GALNTL6: variants seen among roughly 807,000 people sequenced by gnomAD.
GALNTL6 encodes the protein polypeptide N-acetylgalactosaminyltransferase like 6.
A neutral mutation model predicts 73.7 loss-of-function variants in GALNTL6; 46 were observed. The ratio of observed to expected loss-of-function variants is 0.62; its 90% CI spans 0.49 to 0.80. The LOEUF (loss-of-function observed/expected upper bound fraction) is 0.80, where lower values mean the gene tolerates loss of function less well. Among genes scored for constraint, GALNTL6 ranks in the 30% least tolerant of loss-of-function variants. The pLI, the probability that GALNTL6 is intolerant of heterozygous loss-of-function variation, is 0.00. For missense variants in GALNTL6, 604 were observed against 755.0 expected (o/e 0.80, Z 2.34); for synonymous variants, 259 against 263.7 (o/e 0.98, Z 0.17).
intron 2 of GALNTL6, among the ~76,000 whole-genome samples, chr4:171,867,644 G>A (rs1736006148): frequency 6.6e-6 from 1 of 152,178 alleles, no homozygotes; most frequent in Admixed American, 6.5e-5. Flanking sequence ...AGCCAGTGAT[G>A]TTTTGAAAAA....
intron 2 of GALNTL6, among the ~76,000 whole-genome samples, chr4:171,982,627 G>C (rs191361414): frequency 6.6e-6 from 1 of 152,046 alleles, no homozygotes; most frequent in Non-Finnish European, 1.5e-5. Context: ...TCTTCCAGAC[G>C]AGCTTGTTGG....
chr4:172,882,987 C>T, intron 8 of GALNTL6, 80 bp downstream of exon 8: 1 of 765,780 alleles, frequency 1.3e-6, no homozygotes. Flanking sequence ...TGCTCTGTGA[C>T]CTGTGTTCTG....
chr4:172,822,019 C>A (rs1741959827), intron 7 of GALNTL6, among the ~76,000 whole-genome samples: 1 of 152,184 alleles, frequency 6.6e-6, no homozygotes, highest in Admixed American at 6.5e-5. Context: ...GCAACAATCT[C>A]TTTTCCTTTG....
intron 5 of GALNTL6, among the ~76,000 whole-genome samples, chr4:172,449,108 T>C (rs1453407355): frequency 6.6e-6 from 1 of 152,164 alleles, no homozygotes; most frequent in East Asian, 1.9e-4. Context: ...TCCAAACATT[T>C]GGGCTTCTTT....
At chr4:172,291,624 A>G (rs1328212463) in intron 3 of GALNTL6, among the ~76,000 whole-genome samples, 1 of 152,050 alleles carries the variant, frequency 6.6e-6, no homozygotes, top group Non-Finnish European at 1.5e-5. Context: ...TATAAGATTG[A>G]TGTAGTGTTT....
In GALNTL6 at chr4:172,402,087, A is replaced by G. The variant is rs117548771; in HGVS notation, c.553+53398A>G. Among the ~76,000 whole-genome samples, 1,017 of 152,156 alleles carry G rather than the reference A, an allele frequency of 6.7e-3. 21 individuals carry two copies. The highest frequency in any genetic ancestry group is 0.049 in the East Asian group (255 of 5,174). On this transcript the variant is annotated intron_variant, in intron 5 of 12. Transcript: ENST00000506823. ...CTTAGTTTAATAAAAATACTTTCTA[A>G]TGATACTTCTACTTCACATGAAATA...
At chr4:172,764,144 G>A (rs1738269353) in intron 5 of GALNTL6, among the ~76,000 whole-genome samples, 1 of 151,206 alleles carries the variant, frequency 6.6e-6, no homozygotes, top group Non-Finnish European at 1.5e-5. Flanking sequence ...TTTTAGTAGA[G>A]ATGGGGTTTC....
chr4:172,173,803 T>G (rs1453133049), intron 2 of GALNTL6, among the ~76,000 whole-genome samples: 2 of 152,146 alleles, frequency 1.3e-5, no homozygotes, highest in African/African-American at 4.8e-5. Context: ...CATAGGGTAT[T>G]TGAGTCAGAA....
intron 5 of GALNTL6, among the ~76,000 whole-genome samples, chr4:172,465,530 A>G (rs1732782119): frequency 6.6e-6 from 1 of 152,120 alleles, no homozygotes; most frequent in Non-Finnish European, 1.5e-5. Flanking sequence ...GTATTTCATT[A>G]ATTGTGAGAT....
intron 2 of GALNTL6, among the ~76,000 whole-genome samples, chr4:171,908,274 A>G (rs1472552536): frequency 2.0e-5 from 3 of 152,056 alleles, no homozygotes; most frequent in Admixed American, 1.3e-4. Context: ...TCCAGAATCT[A>G]TAATGAACTC....
chr4:172,055,434 G>T (rs977619440), intron 2 of GALNTL6, among the ~76,000 whole-genome samples: 1 of 152,058 alleles, frequency 6.6e-6, no homozygotes. Context: ...AGGAAATTTT[G>T]GAAAGTACAA....
intron 2 of GALNTL6, among the ~76,000 whole-genome samples, chr4:172,213,069 G>T (rs538058874): frequency 2.7e-4 from 40 of 150,292 alleles, no homozygotes; most frequent in African/African-American, 9.7e-4. Context: ...GGCTTCTCAC[G>T]CCAGAAAAAA....
chr4:172,531,671 C>T (rs937892370), intron 5 of GALNTL6, among the ~76,000 whole-genome samples: 7 of 152,196 alleles, frequency 4.6e-5, no homozygotes, highest in African/African-American at 1.7e-4. Context: ...CCACAAAATG[C>T]ATGGTAATGC....
At chr4:172,066,021 C>A (rs1047296633) in intron 2 of GALNTL6, among the ~76,000 whole-genome samples, 2 of 152,184 alleles carry the variant, frequency 1.3e-5, no homozygotes, top group Non-Finnish European at 2.9e-5. Flanking sequence ...CCAAACAACA[C>A]CAATAACCTC....
At chr4:172,750,181 G>C (rs575416355) in intron 5 of GALNTL6, among the ~76,000 whole-genome samples, 2 of 152,260 alleles carry the variant, frequency 1.3e-5, no homozygotes, top group South Asian at 4.1e-4. Context: ...CCAGTTCAGG[G>C]TTGCGGGTGG....
At chr4:172,015,923 A>ATTTTTTTT (rs70941375) in intron 2 of GALNTL6, among the ~76,000 whole-genome samples, 20 of 44,090 alleles carry the variant, frequency 4.5e-4, no homozygotes, top group Non-Finnish European at 6.3e-4. Context: ...ATCTAATAGG[A>ATTTTTTTT]TTTTTTTTTT....
At chr4:172,991,595 A>G (rs1751549581) in intron 10 of GALNTL6, among the ~76,000 whole-genome samples, 1 of 151,564 alleles carries the variant, frequency 6.6e-6, no homozygotes, top group Admixed American at 6.6e-5. Context: ...TTTAGTAGAG[A>G]CGGGATTTTG....
intron 4 of GALNTL6, among the ~76,000 whole-genome samples, chr4:172,340,118 T>C (rs34504331): frequency 0.15 from 23,437 of 152,138 alleles, 1,924 homozygotes; most frequent in East Asian, 0.19. Context: ...GCATATAATA[T>C]TAGCTGTGGG....
intron 3 of GALNTL6, among the ~76,000 whole-genome samples, chr4:172,272,270 T>A (rs1470463503): frequency 1.3e-5 from 2 of 152,154 alleles, no homozygotes; most frequent in Non-Finnish European, 1.5e-5. Context: ...GCCATCATAG[T>A]TTAATGAGGA....
Sources: allele counts gnomAD v4.1 joint callset (sites outside exome capture counted in the v4.1 genomes callset), GRCh38; gene constraint gnomAD v4.1.1; transcripts MANE v1.5; gene names NCBI Gene and HGNC (gene_info 2026-07-23, HGNC 2026-07-21).